Variants in SLC39A14 observed in about 807,000 individuals in gnomAD.
The protein encoded by SLC39A14 is solute carrier family 39 member 14.
In SLC39A14, 19 loss-of-function variants were observed where a neutral mutation model predicts 45.5. That is an observed-to-expected ratio of 0.42 (90% CI 0.29 to 0.61). The LOEUF is 0.61. Ranked by LOEUF, SLC39A14 falls within the 20% of genes least tolerant of loss-of-function variation. SLC39A14 has a pLI of 0.22. For missense variants in SLC39A14, 447 were observed against 616.5 expected (o/e 0.73, Z 2.91); for synonymous variants, 264 against 251.3 (o/e 1.05, Z -0.48).
chr8:22,403,725 C>T (rs189395662), intron 1 of SLC39A14, among the ~76,000 whole-genome samples: 7 of 151,306 alleles, frequency 4.6e-5, no homozygotes, highest in South Asian at 2.1e-4. Context: ...TTGAGACGAG[C>T]GGGCAAATAT....
At chr8:22,380,971 C>T (rs557525879) in intron 1 of SLC39A14, among the ~76,000 whole-genome samples, 5 of 151,314 alleles carry the variant, frequency 3.3e-5, no homozygotes, top group Non-Finnish European at 5.9e-5. Flanking sequence ...CCACCATGCC[C>T]GGCCTCTGAA....
Position 22,421,667 on chromosome 8 carries a change from GA to G in SLC39A14, c.*1971del, listed in dbSNP as rs1250316719. ...AAATAACTCAAAGTTGAAGACTCTG[GA>G]AGATTTTGCTTTAACCTAACTCGCA... is the stretch of plus-strand genomic sequence containing the variant. On this transcript the variant is annotated 3_prime_UTR_variant, in exon 9 of 9. Coordinates refer to ENST00000381237, the MANE Select transcript of SLC39A14 (RefSeq NM_001128431.4). 3.0e-6 allele frequency: 3 copies of G among 985,678 alleles called. No individual in the cohort carries two copies. Among genetic ancestry groups the G allele is most frequent in the Non-Finnish European group, 3.6e-6 (3 of 829,812 alleles). 61.1% of individuals were successfully genotyped at this position (985,678 alleles called of 1,614,324 possible). A position where few individuals can be genotyped will look rare whatever the true frequency, so the allele number is the denominator to read the frequency against.
In SLC39A14 at chr8:22,419,474, A is replaced by G. The variant is rs1283570156; in HGVS notation, c.1333-78A>G. 5.0e-6 allele frequency: 7 copies of G among 1,405,118 alleles called. No homozygotes were observed. The East Asian group carries it at 1.1e-4, about 23-fold the overall frequency. 87.0% of individuals were successfully genotyped at this position (1,405,118 alleles called of 1,614,324 possible). On this transcript the variant is annotated intron_variant, in intron 8 of 8. Transcript: ENST00000381237. ...TTCTTTGTCAACCAACCTGATCTAT[A>G]TCTCCATCACTGAATTGCCCTGGAC... is the stretch of plus-strand genomic sequence containing the variant.
At chr8:22,371,572 A>T (rs1342468446) in intron 1 of SLC39A14, among the ~76,000 whole-genome samples, 1 of 149,316 alleles carries the variant, frequency 6.7e-6, no homozygotes, top group African/African-American at 2.5e-5. Context: ...AGCTGTGATC[A>T]CAGGTGCCTG....
Position 22,419,541 on chromosome 8 carries a change from T to C in SLC39A14, c.1333-11T>C. 1 of 1,608,136 alleles carries C rather than the reference T, an allele frequency of 6.2e-7. No individual in the cohort carries two copies. Among genetic ancestry groups the C allele is most frequent in the Non-Finnish European group, 8.5e-7 (1 of 1,177,570 alleles). ...GAATTGCAGCTGTGTTGTTTCTTGC[T>C]TCTTTCCCAGTTCCCTGAGATGAAT... is the stretch of plus-strand genomic sequence containing the variant. On this transcript the variant is annotated splice_polypyrimidine_tract_variant and intron_variant, in intron 8 of 8. Coordinates refer to ENST00000381237, the MANE Select transcript of SLC39A14 (RefSeq NM_001128431.4).
At chr8:22,431,234 G>T (rs1224689762) in intron 8 of SLC39A14, among the ~76,000 whole-genome samples, 1 of 151,224 alleles carries the variant, frequency 6.6e-6, no homozygotes, top group Non-Finnish European at 1.5e-5. Context: ...TGATCCACCT[G>T]CCTCAGCCTC....
At chr8:22,408,570 G>C in intron 3 of SLC39A14, 74 bp downstream of exon 3, 5 of 1,391,318 alleles carry the variant, frequency 3.6e-6, no homozygotes, top group Non-Finnish European at 4.9e-6. Context: ...GGGCTGAGCT[G>C]CTGCTGCTCC....
intron 1 of SLC39A14, among the ~76,000 whole-genome samples, chr8:22,400,954 G>A (rs190843564): frequency 6.6e-6 from 1 of 152,188 alleles, no homozygotes; most frequent in Non-Finnish European, 1.5e-5. Flanking sequence ...TATGGTTCAG[G>A]TACTTGGCAA....
chr8:22,382,775 C>T (rs74746231), intron 1 of SLC39A14, among the ~76,000 whole-genome samples: 4,863 of 152,180 alleles, frequency 0.032, 241 homozygotes, highest in African/African-American at 0.11. Flanking sequence ...AGTGCAGTGT[C>T]GTAATCTCAC....
At chr8:22,405,628 G>C (rs1283194582) in intron 2 of SLC39A14, among the ~76,000 whole-genome samples, 2 of 151,692 alleles carry the variant, frequency 1.3e-5, no homozygotes, top group Non-Finnish European at 2.9e-5. Flanking sequence ...TCCCAGGACG[G>C]TATTTCTCAT....
chr8:22,409,292 CTGAG>C (rs1835422089), intron 3 of SLC39A14, among the ~76,000 whole-genome samples: 1 of 152,228 alleles, frequency 6.6e-6, no homozygotes, highest in African/African-American at 2.4e-5. Context: ...CGTGTGCTGC[CTGAG>C]TGTCGGCACC....
intron 1 of SLC39A14, among the ~76,000 whole-genome samples, chr8:22,393,745 C>T (rs1834212148): frequency 6.6e-6 from 1 of 152,182 alleles, no homozygotes; most frequent in Admixed American, 6.5e-5. Flanking sequence ...AGTCATAGCT[C>T]ACTGCAGCCT....
At chr8:22,388,536 G>A (rs568788478) in intron 1 of SLC39A14, among the ~76,000 whole-genome samples, 48 of 151,962 alleles carry the variant, frequency 3.2e-4, no homozygotes, top group Admixed American at 7.2e-4. Context: ...AGTGTTGGGA[G>A]GTTGTGCTTT....
At chr8:22,376,274 C>T (rs868286957) in intron 1 of SLC39A14, among the ~76,000 whole-genome samples, 1 of 151,662 alleles carries the variant, frequency 6.6e-6, no homozygotes, top group African/African-American at 2.4e-5. Flanking sequence ...CAGTTTCAAG[C>T]AATTCTCCTG....
In SLC39A14 at chr8:22,390,923, G is replaced by A. The variant is rs549942954; in HGVS notation, c.-15-13773G>A. On this transcript the variant is annotated intron_variant, in intron 1 of 8. Coordinates refer to ENST00000381237, the MANE Select transcript of SLC39A14 (RefSeq NM_001128431.4). Reference sequence around the variant, plus strand: ...CGCGGGGAGAGCCTGGACACCTTCCGGAGGGTGGATCCTGGGACATGCATT... The same window carrying A: ...CGCGGGGAGAGCCTGGACACCTTCCAGAGGGTGGATCCTGGGACATGCATT... 9.9e-5 allele frequency among the ~76,000 whole-genome samples: 15 copies of A among 152,192 alleles called. No homozygotes were observed. In the South Asian group the frequency reaches 1.9e-3, roughly 19 times the overall value.
chr8:22,417,826 G>A lies in SLC39A14; in HGVS notation c.1323G>A (p.Leu441=). Residue 441 remains leucine, a synonymous_variant, in exon 8 of 9, where the codon CTG becomes CTA. Transcript: ENST00000381237. ...GAGGAATGTTCTTGTATATTTCTCT[G>A]GCTGATATGGTAAGTGTTCCACAGT... The part of the protein sequence containing the change: ...LAGGMFLYIS[L]ADMFPEMNEV... The A allele has an allele frequency of 6.2e-7, 1 of 1,613,702 alleles. No homozygotes were observed. The highest frequency in any genetic ancestry group is 8.5e-7 in the Non-Finnish European group (1 of 1,179,962).
At chr8:22,426,460 T>G (rs1035612389), downstream of SLC39A14, among the ~76,000 whole-genome samples, 1 of 152,212 alleles carries the variant, frequency 6.6e-6, no homozygotes, top group African/African-American at 2.4e-5. Flanking sequence ...CCGAAAGTGC[T>G]GGGATGACAG....
chr8:22,378,925 A>G (rs915897281), intron 1 of SLC39A14, among the ~76,000 whole-genome samples: 2 of 152,226 alleles, frequency 1.3e-5, no homozygotes, highest in Non-Finnish European at 2.9e-5. Context: ...ACAAGATACC[A>G]GAAACTTGGT....
chr8:22,431,506 G>A (rs751238317), intron 8 of SLC39A14, among the ~76,000 whole-genome samples: 75 of 152,104 alleles, frequency 4.9e-4, no homozygotes, highest in Non-Finnish European at 6.0e-4. Flanking sequence ...GGTTCCCTGT[G>A]CTTTTGTTAA....
Sources: gnomAD v4.1 joint callset for allele counts (sites outside exome capture counted in the v4.1 genomes callset) on GRCh38, gnomAD v4.1.1 for gene constraint, MANE v1.5 for transcripts, NCBI Gene and HGNC (gene_info 2026-07-23, HGNC 2026-07-21) for gene names.